Variants in CUL2 observed in about 807,000 individuals in gnomAD.
CUL2 encodes cullin-2.
In CUL2, 22 loss-of-function variants were observed where a neutral mutation model predicts 110.2. That is an observed-to-expected ratio of 0.20 (90% CI 0.14 to 0.28). CUL2 has a LOEUF of 0.28. Among genes scored for constraint, CUL2 ranks in the 10% least tolerant of loss-of-function variants. The pLI is 1.00. For synonymous variants in CUL2, 279 were observed against 293.2 expected, an observed-to-expected ratio of 0.95 and a Z score of 0.49; for missense variants, 631 against 905.5, an observed-to-expected ratio of 0.70 and a Z score of 3.89.
chr10:35,048,470 T>C (rs1192056448), intron 6 of CUL2, among the ~76,000 whole-genome samples: 4 of 152,208 alleles, frequency 2.6e-5, no homozygotes, highest in African/African-American at 7.2e-5. Flanking sequence ...AAAAAAGATA[T>C]TTCACAAAAG....
At chr10:35,018,404 T>A (rs867127880) in intron 17 of CUL2, among the ~76,000 whole-genome samples, 83 of 152,078 alleles carry the variant, frequency 5.5e-4, no homozygotes, top group Admixed American at 2.4e-3. Flanking sequence ...AGAGACTGCA[T>A]TTTCCCTCTC....
intron 14 of CUL2, among the ~76,000 whole-genome samples, chr10:35,030,200 A>G (rs2085446442): frequency 6.6e-6 from 1 of 152,186 alleles, no homozygotes; most frequent in African/African-American, 2.4e-5. Flanking sequence ...ATAAATGATT[A>G]CTGGGAATAC....
At chr10:35,092,035 C>T (rs1295571140), upstream of CUL2, among the ~76,000 whole-genome samples, 1 of 152,126 alleles carries the variant, frequency 6.6e-6, no homozygotes, top group Non-Finnish European at 1.5e-5. Context: ...TCACTGCGGC[C>T]TCAAACTCCT....
chr10:35,046,090 C>CT (rs1341005185), intron 6 of CUL2, among the ~76,000 whole-genome samples: 7 of 152,184 alleles, frequency 4.6e-5, no homozygotes, highest in African/African-American at 1.4e-4. Flanking sequence ...TTGATTCTTC[C>CT]TTTAATTATT....
At chr10:35,016,491 A>G (rs2085036985) in intron 17 of CUL2, 97 bp from the exon 18 acceptor site, 2 of 939,252 alleles carry the variant, frequency 2.1e-6, no homozygotes, top group East Asian at 2.6e-5. Flanking sequence ...GAGTGAACCA[A>G]TAATTTTATT....
At chr10:35,105,424 T>TCAAAAAA (rs770196070) in intron 1 of CUL2, among the ~76,000 whole-genome samples, 1 of 146,640 alleles carries the variant, frequency 6.8e-6, no homozygotes, top group African/African-American at 2.5e-5. Context: ...AGACACCGTT[T>TCAAAAAA]CAAAAAACAA....
At chr10:35,034,841 C>G (rs1331077511) in intron 10 of CUL2, among the ~76,000 whole-genome samples, 3 of 152,210 alleles carry the variant, frequency 2.0e-5, no homozygotes, top group Non-Finnish European at 4.4e-5. Context: ...ATTAATACTA[C>G]TACCATGACA....
chr10:35,126,088 C>T (rs1312429813), intron 1 of CUL2, among the ~76,000 whole-genome samples: 1 of 151,956 alleles, frequency 6.6e-6, no homozygotes, highest in East Asian at 1.9e-4. Context: ...TCCCAAAATG[C>T]TGGGATTACA....
intron 6 of CUL2, among the ~76,000 whole-genome samples, chr10:35,045,201 C>T (rs1394339093): frequency 4.6e-5 from 7 of 152,090 alleles, no homozygotes; most frequent in Admixed American, 2.6e-4. Context: ...TTAATACTGG[C>T]GGTTAAGAAT....
Position 35,075,045 on chromosome 10 carries a change from T to C in CUL2, c.-22-3706A>G, listed in dbSNP as rs113055358. The stretch of plus-strand genomic sequence containing the variant: ...CACTGCTTGTAAATTAGTTTAACAG[T>C]TGCACAGACTTTTTTTGCTTTATGG... On this transcript the variant is annotated intron_variant, in intron 1 of 20. Transcript: ENST00000374749. Among the ~76,000 whole-genome samples, 944 of 152,322 alleles carry C rather than the reference T, an allele frequency of 6.2e-3. 12 individuals carry two copies. The highest frequency in any genetic ancestry group is 0.021 in the African/African-American group (893 of 41,554).
At chr10:35,103,341 T>C (rs976353388) in intron 1 of CUL2, among the ~76,000 whole-genome samples, 37 of 129,914 alleles carry the variant, frequency 2.8e-4, no homozygotes, top group African/African-American at 9.2e-4. Context: ...TTATTTTTTT[T>C]TGAGACGGAG....
intron 1 of CUL2, among the ~76,000 whole-genome samples, chr10:35,105,791 G>A (rs2087447518): frequency 6.8e-6 from 1 of 146,390 alleles, no homozygotes. Flanking sequence ...TTTACTAAAA[G>A]CCATGAACCT....
intron 1 of CUL2, among the ~76,000 whole-genome samples, chr10:35,089,340 T>G (rs565019041): frequency 2.2e-4 from 34 of 152,326 alleles, no homozygotes; most frequent in African/African-American, 7.0e-4. Context: ...GTTTTGAATG[T>G]TTTTAAGCGA....
chr10:35,068,683 AAAT>A (rs1367715500), intron 2 of CUL2, among the ~76,000 whole-genome samples: 2 of 152,236 alleles, frequency 1.3e-5, no homozygotes, highest in Non-Finnish European at 2.9e-5. Flanking sequence ...CTAAAAGTTC[AAAT>A]AATAACACAT....
At chr10:35,065,038 T>C (rs2086481270) in intron 2 of CUL2, among the ~76,000 whole-genome samples, 1 of 152,222 alleles carries the variant, frequency 6.6e-6, no homozygotes, top group African/African-American at 2.4e-5. Flanking sequence ...CTTAATAAAA[T>C]TTTAAAGTTT....
intron 1 of CUL2, among the ~76,000 whole-genome samples, chr10:35,077,241 C>A (rs1407039120): frequency 6.6e-6 from 1 of 151,822 alleles, no homozygotes; most frequent in Non-Finnish European, 1.5e-5. Flanking sequence ...ATGAAGAGGG[C>A]CACAAAATAG....
At chr10:35,060,646 C>T (rs7099036) in intron 4 of CUL2, among the ~76,000 whole-genome samples, 51,145 of 152,028 alleles carry the variant, frequency 0.34, 8,637 homozygotes, top group South Asian at 0.35. Context: ...GCCATGCAAT[C>T]GAGTACAGTT....
chr10:35,035,134 A>G, intron 10 of CUL2, 38 bp downstream of exon 10: 1 of 1,613,238 alleles, frequency 6.2e-7, no homozygotes, highest in East Asian at 2.2e-5. Flanking sequence ...GCTGGATCTG[A>G]TTAGGAGGAA....
chr10:35,121,525 T>C (rs2135148909), intron 1 of CUL2, among the ~76,000 whole-genome samples: 1 of 152,356 alleles, frequency 6.6e-6, no homozygotes, highest in East Asian at 1.9e-4. Context: ...CTAGGATCCC[T>C]GTTCTACAGC....
Sources: allele counts gnomAD v4.1 joint callset (sites outside exome capture counted in the v4.1 genomes callset), GRCh38; gene constraint gnomAD v4.1.1; transcripts MANE v1.5; gene names NCBI Gene and HGNC (gene_info 2026-07-23, HGNC 2026-07-21).